Variants in GALNT6 observed in about 807,000 individuals in gnomAD.
The protein encoded by GALNT6 is GalNAc transferase 6.
GALNT6 carries 51 observed loss-of-function variants against 65.9 expected under a neutral mutation model. That is an observed-to-expected ratio of 0.77 (90% CI 0.62 to 0.98). GALNT6 has a LOEUF of 0.98. Among genes scored for constraint, GALNT6 ranks in the 50% least tolerant of loss-of-function variants. The pLI is 0.00. For missense variants in GALNT6, 708 were observed against 803.3 expected, an observed-to-expected ratio of 0.88 and a Z score of 1.43; for synonymous variants, 323 against 315.1, an observed-to-expected ratio of 1.02 and a Z score of -0.26.
At chr12:51,367,503 C>A (rs559885882) in intron 4 of GALNT6, among the ~76,000 whole-genome samples, 104 of 152,314 alleles carry the variant, frequency 6.8e-4, no homozygotes, top group African/African-American at 2.5e-3. Context: ...GAATTCCAAA[C>A]CTTACTATGT....
intron 2 of GALNT6, among the ~76,000 whole-genome samples, chr12:51,389,344 TAC>T (rs1172381035): frequency 3.9e-5 from 6 of 152,210 alleles, no homozygotes; most frequent in African/African-American, 1.4e-4. Flanking sequence ...CAAATCAAGT[TAC>T]AGTTATCTTC....
intron 4 of GALNT6, among the ~76,000 whole-genome samples, chr12:51,366,410 G>C (rs1947109821): frequency 6.6e-6 from 1 of 152,216 alleles, no homozygotes. Flanking sequence ...CTCCTTGCTT[G>C]CTGGATCAGC....
Position 51,385,341 on chromosome 12 carries a change from C to T in GALNT6, c.-103-5457G>A, listed in dbSNP as rs79964366. On this transcript the variant is annotated intron_variant, in intron 2 of 11. Transcript: ENST00000356317. The stretch of plus-strand genomic sequence containing the variant: ...TGTTTCAGTCTATTAAAGATACACA[C>T]TGCCTGATACAAAATTAAAATGATA... Among the ~76,000 whole-genome samples, 48 of 152,316 alleles carry T rather than the reference C, an allele frequency of 3.2e-4. 5 individuals carry two copies. In the East Asian group the frequency reaches 9.2e-3, roughly 29 times the overall value.
chr12:51,377,336 G>A lies in GALNT6; in HGVS notation c.523C>T (p.Pro175Ser). The change falls in exon 4 of 12, where the codon CCA becomes TCA. Residue 175 changes from proline (P) to serine (S), a missense_variant. Pro to Ser is a moderately conservative substitution (Grantham distance 74). Transcript: ENST00000356317. ...CVDQKFRRCP[P>S]LATTSVIIVF... ...ATGATCACGCTGGTGGTGGCCAGTGGGGGGCAGCGCCGGAACTTCTGGTCC... is the reference window on the plus strand; with the variant it reads ...ATGATCACGCTGGTGGTGGCCAGTGAGGGGCAGCGCCGGAACTTCTGGTCC... The A allele has an allele frequency of 1.2e-6, 2 of 1,612,722 alleles. No homozygotes were observed. Among genetic ancestry groups the A allele is most frequent in the African/African-American group, 1.3e-5 (1 of 74,992 alleles).
intron 4 of GALNT6, among the ~76,000 whole-genome samples, chr12:51,370,940 C>T (rs1021276042): frequency 4.6e-5 from 7 of 151,880 alleles, no homozygotes; most frequent in African/African-American, 1.5e-4. Flanking sequence ...GGACTGAAAC[C>T]GTGAAGATGA....
intron 4 of GALNT6, among the ~76,000 whole-genome samples, chr12:51,375,439 T>C (rs1947420580): frequency 6.6e-6 from 1 of 152,174 alleles, no homozygotes; most frequent in East Asian, 1.9e-4. Flanking sequence ...TCTCGTACCA[T>C]GAATAAAATG....
chr12:51,364,685 C>T (rs763342524), intron 5 of GALNT6, among the ~76,000 whole-genome samples: 1 of 152,204 alleles, frequency 6.6e-6, no homozygotes, highest in African/African-American at 2.4e-5. Context: ...TCCGGGCCCA[C>T]GTGTGGATTT....
At chr12:51,386,468 A>T (rs1308264122) in intron 2 of GALNT6, among the ~76,000 whole-genome samples, 1 of 152,172 alleles carries the variant, frequency 6.6e-6, no homozygotes, top group African/African-American at 2.4e-5. Context: ...AGCTTTTGTG[A>T]ATGTCAGAGT....
At position 51,379,625 on chromosome 12, in the gene GALNT6, C is replaced by G. The variant is rs138533375; in HGVS notation, c.157G>C (p.Val53Leu). ...LKSLVSRKDHVLDLMLEAMNN... is the reference protein window; with the variant it reads ...LKSLVSRKDHLLDLMLEAMNN... ...ATGGCCTCCAGCATGAGGTCCAGGA[C>G]GTGATCCTTCCGGCTCACCAGGGAC... Residue 53 changes from valine to leucine, a missense_variant, in exon 3 of 12, where the codon GTC (valine) becomes CTC (leucine). Coordinates refer to ENST00000356317, the MANE Select transcript of GALNT6 (RefSeq NM_007210.4). 3.1e-6 allele frequency: 5 copies of G among 1,614,074 alleles called. No homozygotes were observed. The South Asian group carries it at 5.5e-5, about 18-fold the overall frequency.
At chr12:51,388,550 G>A (rs1382424165) in intron 2 of GALNT6, among the ~76,000 whole-genome samples, 1 of 152,080 alleles carries the variant, frequency 6.6e-6, no homozygotes, top group Non-Finnish European at 1.5e-5. Flanking sequence ...CTAGACTAAG[G>A]TGCATCTTGC....
At chr12:51,381,485 C>A (rs886824905) in intron 2 of GALNT6, among the ~76,000 whole-genome samples, 4 of 152,188 alleles carry the variant, frequency 2.6e-5, no homozygotes, top group African/African-American at 9.7e-5. Context: ...GACCTGGGCA[C>A]AAATTCCAGT....
chr12:51,372,018 C>T (rs895381667), intron 4 of GALNT6, among the ~76,000 whole-genome samples: 12 of 152,052 alleles, frequency 7.9e-5, no homozygotes, highest in Admixed American at 2.0e-4. Context: ...GTATCTCTAG[C>T]GTCTGAAAGC....
rs1007820225 is a variant in GALNT6 at position 51,354,178 on chromosome 12, A to G, written c.*201T>C. 5.7e-5 allele frequency: 29 copies of G among 511,424 alleles called. No individual in the cohort carries two copies. The African/African-American group carries it at 5.9e-4, about 10-fold the overall frequency. 31.7% of individuals were successfully genotyped at this position (511,424 alleles called of 1,614,324 possible). Reference sequence around the variant, plus strand: ...AAACGCTAGGCTAAATATATGTCCTAATGGTCTCTTCCATCGGTGTGAAGG... The same window carrying G: ...AAACGCTAGGCTAAATATATGTCCTGATGGTCTCTTCCATCGGTGTGAAGG... On this transcript the variant is annotated 3_prime_UTR_variant, in exon 12 of 12. Coordinates refer to ENST00000356317, the MANE Select transcript of GALNT6 (RefSeq NM_007210.4).
chr12:51,359,588 C>T (rs1946856628), intron 7 of GALNT6: 1 of 358,428 alleles, frequency 2.8e-6, no homozygotes, highest in African/African-American at 2.1e-5. Flanking sequence ...TACCAGGGCC[C>T]ACTTTAGGGA....
intron 3 of GALNT6, among the ~76,000 whole-genome samples, chr12:51,379,017 G>A (rs937353856): frequency 1.3e-5 from 2 of 152,156 alleles, no homozygotes; most frequent in African/African-American, 4.8e-5. Flanking sequence ...GTGCCAGGCT[G>A]AGTTCCTTCT....
At chr12:51,374,383 C>G (rs1947387030) in intron 4 of GALNT6, among the ~76,000 whole-genome samples, 1 of 152,070 alleles carries the variant, frequency 6.6e-6, no homozygotes, top group Non-Finnish European at 1.5e-5. Flanking sequence ...CCAGGCTGGT[C>G]TGGCCTTGCT....
chr12:51,365,642 G>A, intron 4 of GALNT6, 63 bp from the exon 5 acceptor site: 2 of 1,539,622 alleles, frequency 1.3e-6, no homozygotes, highest in Non-Finnish European at 8.9e-7. Flanking sequence ...TCCCCTGTGG[G>A]CACCAAGCTA....
chr12:51,366,165 G>C (rs1044733780), intron 4 of GALNT6, among the ~76,000 whole-genome samples: 2 of 152,184 alleles, frequency 1.3e-5, no homozygotes, highest in African/African-American at 2.4e-5. Context: ...TGATTCGCCT[G>C]CCTTGGCCTC....
intron 2 of GALNT6, among the ~76,000 whole-genome samples, chr12:51,380,864 GA>G (rs1163069028): frequency 6.6e-6 from 1 of 152,232 alleles, no homozygotes; most frequent in Non-Finnish European, 1.5e-5. Flanking sequence ...CAGGATTAGA[GA>G]TGGTTAATGG....
Sources: allele counts gnomAD v4.1 joint callset (sites outside exome capture counted in the v4.1 genomes callset), GRCh38; gene constraint gnomAD v4.1.1; transcripts MANE v1.5; gene names NCBI Gene and HGNC (gene_info 2026-07-23, HGNC 2026-07-21).